HSPH1: variants seen among roughly 807,000 people sequenced by gnomAD.
HSPH1 encodes the protein heat shock protein 105 kDa.
HSPH1 carries 40 observed loss-of-function variants against 100.0 expected under a neutral mutation model. That is an observed-to-expected ratio of 0.40 (90% CI 0.31 to 0.52). The LOEUF (loss-of-function observed/expected upper bound fraction) is 0.52, where lower values mean the gene tolerates loss of function less well. Ranked by LOEUF, HSPH1 falls within the 20% of genes least tolerant of loss-of-function variation. The pLI is 0.54. For missense variants in HSPH1, 876 were observed against 1,015.1 expected (o/e 0.86, Z 1.86); for synonymous variants, 403 against 344.0 (o/e 1.17, Z -1.90).
Position 31,161,777 on chromosome 13 carries a change from G to T in HSPH1, c.-195C>A, listed in dbSNP as rs56214404. The stretch of plus-strand genomic sequence containing the variant: ...AGCCTCCTACTCCCCCGGGGACAGC[G>T]GCGGCTGGCTGATAAGAAACCCTGG... On this transcript the variant is annotated 5_prime_UTR_variant, in exon 1 of 18. Transcript: ENST00000320027. 2.0e-6 allele frequency: 3 copies of T among 1,502,582 alleles called. No homozygotes were observed. Among genetic ancestry groups the T allele is most frequent in the Non-Finnish European group, 2.7e-6 (3 of 1,126,972 alleles). The allele number at this position is 1,502,582 out of a possible 1,614,324, so 93.1% of individuals were successfully genotyped here.
At chr13:31,144,014 A>G in intron 11 of HSPH1, 91 bp from the exon 12 acceptor site, 1 of 1,118,782 alleles carries the variant, frequency 8.9e-7, no homozygotes, top group East Asian at 3.0e-5. Context: ...AAGTACACTC[A>G]ATTTCTGAAA....
chr13:31,148,321 T>C, intron 9 of HSPH1, 53 bp downstream of exon 9: 1 of 1,182,134 alleles, frequency 8.5e-7, no homozygotes, highest in South Asian at 1.3e-5. Context: ...AAGTCATTTG[T>C]TAATTTTTCT....
rs1161622477 is a variant in HSPH1, at chr13:31,138,441, A to G, written c.2336T>C (p.Val779Ala). The stretch of plus-strand genomic sequence containing the variant: ...TGTTTTAATTTCCTGAGCACGTACA[A>G]CTGGATCCTGATCAAGACTCTTTTT... ...QAKKSLDQDP[V>A]VRAQEIKTKI... The change falls in exon 17 of 18, where the codon GTT (valine) becomes GCT (alanine). Residue 779 changes from valine (V) to alanine (A), a missense_variant. Physicochemically the swap from Val to Ala is moderately conservative, Grantham distance 64. Transcript: ENST00000320027. The G allele has an allele frequency of 1.2e-6, 2 of 1,613,356 alleles. No homozygotes were observed. The highest frequency in any genetic ancestry group is 3.3e-5 in the Admixed American group (2 of 59,960).
At position 31,148,038 on chromosome 13, in the gene HSPH1, G is replaced by C. The variant is rs770660946; in HGVS notation, c.1299C>G (p.Thr433=). The C allele has an allele frequency of 5.6e-6, 9 of 1,610,970 alleles. No homozygotes were observed. Among genetic ancestry groups the C allele is most frequent in the Admixed American group, 3.4e-5 (2 of 59,464 alleles). The part of the protein sequence containing the change: ...NHAAPFSKVL[T]FLRRGPFELE... ...GCTCAAAAGGCCCCCTTCTCAGAAA[G>C]GTGAGAACTTTGGAGAAAGGAGCAG... The change falls in exon 10 of 18, where the codon ACC becomes ACG. Residue 433 remains threonine, a synonymous_variant. Transcript: ENST00000320027.
chr13:31,147,673 T>C (rs1242203886), intron 10 of HSPH1, among the ~76,000 whole-genome samples: 1 of 152,018 alleles, frequency 6.6e-6, no homozygotes, highest in Non-Finnish European at 1.5e-5. Context: ...ATCAGAACAG[T>C]GAAAATATTA....
chr13:31,141,825 CACACATT>C (rs1565997455), intron 12 of HSPH1, among the ~76,000 whole-genome samples: 7 of 151,420 alleles, frequency 4.6e-5, no homozygotes, highest in African/African-American at 1.7e-4. Context: ...CACACACACA[CACACATT>C]ATTACTATCC....
Position 31,137,174 on chromosome 13 carries a change from CTTT to C in HSPH1, c.*141_*143del, listed in dbSNP as rs1314403727. ...GGATCATAAAGACTACAGACTTAAG[CTTT>C]TTTTCTTTTTCCATATAATACACAA... On this transcript the variant is annotated 3_prime_UTR_variant, in exon 18 of 18. Coordinates refer to ENST00000320027, the MANE Select transcript of HSPH1 (RefSeq NM_006644.4). 1 of 724,674 alleles carries C rather than the reference CTTT, an allele frequency of 1.4e-6. No homozygotes were observed. Among genetic ancestry groups the C allele is most frequent in the African/African-American group, 1.8e-5 (1 of 55,752 alleles). The allele number at this position is 724,674 out of a possible 1,614,324, so 44.9% of individuals were successfully genotyped here.
intron 1 of HSPH1, among the ~76,000 whole-genome samples, chr13:31,159,114 TC>T (rs1555237843): frequency 7.2e-6 from 1 of 138,974 alleles, no homozygotes; most frequent in Non-Finnish European, 1.6e-5. Context: ...TTCTCCAGGT[TC>T]CAGTTATTAT....
chr13:31,147,535 C>T (rs970543387), intron 10 of HSPH1, among the ~76,000 whole-genome samples: 2 of 152,074 alleles, frequency 1.3e-5, no homozygotes, highest in Admixed American at 1.3e-4. Context: ...CAAAGGTACA[C>T]TTGAGAAGTA....
In HSPH1 at chr13:31,148,485, A is replaced by G; in HGVS notation, c.1138-5T>C. 3.4e-6 allele frequency: 1 copy of G among 298,400 alleles called. No homozygotes were observed. The allele number at this position is 298,400 out of a possible 1,614,324, so 18.5% of individuals were successfully genotyped here. A position where few individuals can be genotyped will look rare whatever the true frequency, so the allele number is the denominator to read the frequency against. On this transcript the variant is annotated splice_region_variant and splice_polypyrimidine_tract_variant and intron_variant, in intron 8 of 17. Coordinates refer to ENST00000320027, the MANE Select transcript of HSPH1 (RefSeq NM_006644.4). ...TGCCGGGGAAAGTATTGCACACTTA[A>G]AAAAAAAAAAAAAAATCATGAGCAC...
chr13:31,140,737 T>C (rs754850021), intron 13 of HSPH1: 77 of 173,572 alleles, frequency 4.4e-4, no homozygotes, highest in Admixed American at 3.7e-4. Context: ...CTAAATACGA[T>C]GTTCCCACCT....
intron 10 of HSPH1, among the ~76,000 whole-genome samples, chr13:31,146,173 G>A (rs980161990): frequency 7.2e-5 from 11 of 152,002 alleles, no homozygotes; most frequent in African/African-American, 2.4e-4. Flanking sequence ...AAAGGAGACA[G>A]ATAAGAAAAA....
chr13:31,141,784 T>C (rs1956099922), intron 12 of HSPH1, among the ~76,000 whole-genome samples: 1 of 133,344 alleles, frequency 7.5e-6, no homozygotes, highest in Admixed American at 8.1e-5. Context: ...CATATATATA[T>C]ACTCCATACA....
chr13:31,139,786 G>A (rs1190059382), intron 14 of HSPH1, among the ~76,000 whole-genome samples: 2 of 152,000 alleles, frequency 1.3e-5, no homozygotes, highest in East Asian at 1.9e-4. Context: ...GGGGAATAAC[G>A]GGGCTTAGTA....
rs770416451 is a variant in HSPH1, at chr13:31,143,784, T to C, written c.1716+8A>G. 4.4e-6 allele frequency: 7 copies of C among 1,602,466 alleles called. No homozygotes were observed. The highest frequency in any genetic ancestry group is 6.0e-6 in the Non-Finnish European group (7 of 1,174,454). Reference sequence around the variant, plus strand: ...TGTCTAATGGAATGAACTAGAAGAGTCACTCACTTTGTCAGCATCTGGGAT... The same window carrying C: ...TGTCTAATGGAATGAACTAGAAGAGCCACTCACTTTGTCAGCATCTGGGAT... On this transcript the variant is annotated splice_region_variant and intron_variant, in intron 12 of 17. Coordinates refer to ENST00000320027, the MANE Select transcript of HSPH1 (RefSeq NM_006644.4).
chr13:31,155,482 G>C, intron 3 of HSPH1, 32 bp downstream of exon 3: 1 of 1,530,146 alleles, frequency 6.5e-7, no homozygotes, highest in Non-Finnish European at 8.9e-7. Context: ...TTAATAAGTT[G>C]GTATTTTTCT....
upstream of HSPH1, chr13:31,161,988 C>T: frequency 1.3e-6 from 2 of 1,536,014 alleles, no homozygotes; most frequent in Non-Finnish European, 1.7e-6. Flanking sequence ...TCACCGGCGC[C>T]TCCACCGGCC....
At chr13:31,162,070 C>A, upstream of HSPH1, 1 of 1,536,146 alleles carries the variant, frequency 6.5e-7, no homozygotes. Flanking sequence ...GCAGCCGGTC[C>A]CCGGAGAACG....
rs747935609 is a variant in HSPH1, at chr13:31,137,332, T to C, written c.2563A>G (p.Met855Val). Residue 855 changes from methionine (M) to valine (V), a missense_variant, in exon 18 of 18, where the codon ATG becomes GTG. Physicochemically the swap from Met to Val is conservative, Grantham distance 21. Transcript: ENST00000320027. Reference protein sequence around the residue: ...CYPNEKNSVNMDLD With the variant: ...CYPNEKNSVNVDLD ...TTTAAGGTTATCTAGTCCAAGTCCA[T>C]ATTAACAGAATTTTTCTCATTAGGG... is the stretch of plus-strand genomic sequence containing the variant. 1.2e-6 allele frequency: 2 copies of C among 1,607,176 alleles called. No homozygotes were observed. Among genetic ancestry groups the C allele is most frequent in the South Asian group, 1.1e-5 (1 of 90,296 alleles).
Sources: gnomAD v4.1 joint callset for allele counts (sites outside exome capture counted in the v4.1 genomes callset) on GRCh38, gnomAD v4.1.1 for gene constraint, MANE v1.5 for transcripts, NCBI Gene and HGNC (gene_info 2026-07-23, HGNC 2026-07-21) for gene names.